DLG1: variants seen among roughly 807,000 people sequenced by gnomAD.
DLG1 encodes discs large MAGUK scaffold protein 1.
In DLG1, 42 loss-of-function variants were observed where a neutral mutation model predicts 123.4. The ratio of observed to expected loss-of-function variants is 0.34; its 90% CI spans 0.27 to 0.44. DLG1 has a LOEUF of 0.44. Ranked by LOEUF, DLG1 falls within the 20% of genes least tolerant of loss-of-function variation. The probability of loss-of-function intolerance (pLI) is 1.00; values close to 1 mark genes in which losing one functional copy is unlikely to be tolerated. For missense variants in DLG1, 942 were observed against 1,082.6 expected (o/e 0.87, Z 1.82); for synonymous variants, 317 against 356.2 (o/e 0.89, Z 1.24).
At chr3:197,184,950 G>A (rs1389416216) in intron 5 of DLG1, among the ~76,000 whole-genome samples, 1 of 152,108 alleles carries the variant, frequency 6.6e-6, no homozygotes, top group Non-Finnish European at 1.5e-5. Flanking sequence ...CCATCAAAAT[G>A]TTTACGGGCA....
intron 4 of DLG1, among the ~76,000 whole-genome samples, chr3:197,266,232 A>G (rs1459571304): frequency 6.6e-6 from 1 of 152,184 alleles, no homozygotes; most frequent in Non-Finnish European, 1.5e-5. Flanking sequence ...GCAAGGAAAC[A>G]CGATCCAGAG....
chr3:197,065,989 C>G (rs745625454), intron 20 of DLG1, among the ~76,000 whole-genome samples, 180 bp from the exon 21 acceptor site: 3 of 152,178 alleles, frequency 2.0e-5, no homozygotes, highest in Non-Finnish European at 4.4e-5. Context: ...TGACTCAGAT[C>G]TTAAACTTTA....
intron 18 of DLG1, among the ~76,000 whole-genome samples, chr3:197,072,661 T>C (rs1744703078): frequency 6.7e-6 from 1 of 150,214 alleles, no homozygotes; most frequent in South Asian, 2.1e-4. Flanking sequence ...CAAGTTTTTA[T>C]TTTTGTTTAT....
intron 5 of DLG1, among the ~76,000 whole-genome samples, chr3:197,153,203 T>C (rs1339755489): frequency 1.3e-5 from 2 of 152,186 alleles, no homozygotes; most frequent in African/African-American, 2.4e-5. Flanking sequence ...ACTGAGGTGA[T>C]CACTGCAGGT....
chr3:197,168,155 T>C (rs1319181009), intron 5 of DLG1, among the ~76,000 whole-genome samples: 1 of 152,232 alleles, frequency 6.6e-6, no homozygotes, highest in African/African-American at 2.4e-5. Flanking sequence ...TCTTCTAGAA[T>C]CACCTTCTTT....
At position 197,049,094 on chromosome 3, in the gene DLG1, G is replaced by A. The variant is rs371132177; in HGVS notation, c.2575+2483C>T. On this transcript the variant is annotated intron_variant, in intron 24 of 24. Coordinates refer to ENST00000667157, the MANE Select transcript of DLG1 (RefSeq NM_001366207.1). ...AGCACTCTGGGAGGCTGAAGCAGGC[G>A]GATCACTTGAGGTCAGGAGTTTGAG... Among the ~76,000 whole-genome samples the A allele has an allele frequency of 1.8e-4, 28 of 151,530 alleles. 1 individual carries two copies. The highest frequency in any genetic ancestry group is 5.6e-4 in the African/African-American group (23 of 41,240).
In DLG1 at chr3:197,065,736, A is replaced by ATT; in HGVS notation, c.2171_2172insAA (p.Phe724LeufsTer22). The ATT allele has an allele frequency of 6.2e-7, 1 of 1,612,190 alleles. No homozygotes were observed. The highest frequency in any genetic ancestry group is 8.5e-7 in the Non-Finnish European group (1 of 1,178,848). On this transcript the variant is annotated frameshift_variant, in exon 21 of 25. Coordinates refer to ENST00000667157, the MANE Select transcript of DLG1 (RefSeq NM_001366207.1). LOFTEE classifies it high-confidence loss of function. ...GAACACAGGATCCAAATTTGTCAGGAAATTCTGAGATCAAGTCATCATTTA... is the reference window on the plus strand; with the variant it reads ...GAACACAGGATCCAAATTTGTCAGGATTAATTCTGAGATCAAGTCATCATTTA...
chr3:197,066,710 G>T lies in DLG1; in HGVS notation c.2092C>A (p.Gln698Lys). ...ATCAATAGGCTTCACAAACCTTCTT[G>T]TTGATTCACTGGTTCATAAGATAAG... ...YVLSYEPVNQ[Q>K]EVNYTRPVII... The change falls in exon 20 of 25, where the codon CAA (glutamine) becomes AAA (lysine). Residue 698 changes from glutamine to lysine, a missense_variant. Gln to Lys is a moderately conservative substitution (Grantham distance 53). Coordinates refer to ENST00000667157, the MANE Select transcript of DLG1 (RefSeq NM_001366207.1). 1 of 1,603,148 alleles carries T rather than the reference G, an allele frequency of 6.2e-7. No individual in the cohort carries two copies. Among genetic ancestry groups the T allele is most frequent in the Non-Finnish European group, 8.5e-7 (1 of 1,171,642 alleles).
intron 4 of DLG1, among the ~76,000 whole-genome samples, chr3:197,231,612 T>G (rs1223526342): frequency 2.0e-5 from 3 of 147,342 alleles, no homozygotes; most frequent in Non-Finnish European, 4.5e-5. Context: ...GAGGTGGGAG[T>G]TGGCTTGAGT....
intron 5 of DLG1, among the ~76,000 whole-genome samples, chr3:197,171,241 C>A (rs2150026261): frequency 6.6e-6 from 1 of 152,204 alleles, no homozygotes; most frequent in Non-Finnish European, 1.5e-5. Context: ...AAAAACTCTG[C>A]TTAGGAATCA....
Position 197,226,021 on chromosome 3 carries a change from C to T in DLG1, c.319-31432G>A, listed in dbSNP as rs1739700699. 2.0e-5 allele frequency: 3 copies of T among 147,464 alleles called. No individual in the cohort carries two copies. The South Asian group carries it at 7.4e-4, about 37-fold the overall frequency. 9.1% of individuals were successfully genotyped at this position (147,464 alleles called of 1,614,324 possible). ...GAAATTCCAGAAAAATGCCTTTGTGCATGTTGTTTGCTGACTGTCTTGAAC... is the reference window on the plus strand; with the variant it reads ...GAAATTCCAGAAAAATGCCTTTGTGTATGTTGTTTGCTGACTGTCTTGAAC... On this transcript the variant is annotated intron_variant, in intron 4 of 24. Coordinates refer to ENST00000667157, the MANE Select transcript of DLG1 (RefSeq NM_001366207.1).
At chr3:197,267,870 T>A (rs1235622569) in intron 4 of DLG1, among the ~76,000 whole-genome samples, 1 of 152,186 alleles carries the variant, frequency 6.6e-6, no homozygotes, top group Non-Finnish European at 1.5e-5. Flanking sequence ...TCTAATGGAA[T>A]CTTTGAACAT....
chr3:197,046,216 C>G (rs1722927487), intron 24 of DLG1, among the ~76,000 whole-genome samples: 1 of 152,076 alleles, frequency 6.6e-6, no homozygotes, highest in African/African-American at 2.4e-5. Context: ...CAACAGCACG[C>G]AAGGATTTAT....
intron 4 of DLG1, among the ~76,000 whole-genome samples, chr3:197,279,450 G>A (rs1768096307): frequency 6.6e-6 from 1 of 152,076 alleles, no homozygotes; most frequent in Non-Finnish European, 1.5e-5. Context: ...ATATCCCAAT[G>A]TTCCCCTTAG....
chr3:197,269,271 T>C (rs1017340234), intron 4 of DLG1, among the ~76,000 whole-genome samples: 6 of 152,182 alleles, frequency 3.9e-5, no homozygotes, highest in African/African-American at 1.4e-4. Flanking sequence ...ATATACGTCA[T>C]GCTACAATGT....
rs71623339 is a variant in DLG1 at position 197,158,634 on chromosome 3, C to CAAAA, written c.484-8842_484-8839dup. On this transcript the variant is annotated intron_variant, in intron 5 of 24. Coordinates refer to ENST00000667157, the MANE Select transcript of DLG1 (RefSeq NM_001366207.1). ...GGGTAACAAGAGCAAAACTCCATTT[C>CAAAA]AAAAAAAAAAAAAAAAAAAAAAAGC... Among the ~76,000 whole-genome samples the CAAAA allele has an allele frequency of 8.0e-4, 54 of 67,484 alleles. 4 individuals are homozygous for CAAAA. The highest frequency in any genetic ancestry group is 1.3e-3 in the African/African-American group (23 of 18,126). 44.3% of individuals were successfully genotyped at this position (67,484 alleles called of 152,430 possible).
chr3:197,214,063 T>C (rs922295810), intron 4 of DLG1, among the ~76,000 whole-genome samples: 2 of 152,130 alleles, frequency 1.3e-5, no homozygotes, highest in African/African-American at 4.8e-5. Flanking sequence ...CAAATGAATA[T>C]GCAAATGTAA....
At chr3:197,120,843 G>A (rs181203118) in intron 11 of DLG1, among the ~76,000 whole-genome samples, 13 of 152,230 alleles carry the variant, frequency 8.5e-5, no homozygotes, top group Admixed American at 1.3e-4. Context: ...TAAGATGCTC[G>A]TTTGTATTTG....
intron 24 of DLG1, among the ~76,000 whole-genome samples, chr3:197,049,988 G>C (rs1387262274): frequency 6.6e-6 from 1 of 151,916 alleles, no homozygotes; most frequent in Admixed American, 6.5e-5. Flanking sequence ...TTGAGCCCAG[G>C]AGGTTGAGGC....
Sources: allele counts gnomAD v4.1 joint callset (sites outside exome capture counted in the v4.1 genomes callset), GRCh38; gene constraint gnomAD v4.1.1; transcripts MANE v1.5; gene names NCBI Gene and HGNC (gene_info 2026-07-23, HGNC 2026-07-21).